The following TMIGD3 variants were observed in gnomAD, a reference collection of about 807,000 sequenced individuals.
The protein encoded by TMIGD3 is transmembrane and immunoglobulin domain containing 3, also known as AD026 protein (AD026).
TMIGD3 carries 21 observed loss-of-function variants against 28.1 expected under a neutral mutation model. The observed-to-expected ratio is 0.75, with a 90% CI of 0.53 to 1.08. The LOEUF (loss-of-function observed/expected upper bound fraction) is 1.08, where lower values mean the gene tolerates loss of function less well. TMIGD3 is among the 50% of genes least tolerant of loss of function. The pLI, the probability that TMIGD3 is intolerant of heterozygous loss-of-function variation, is 0.00. For missense variants in TMIGD3, 416 were observed against 435.6 expected (o/e 0.96, Z 0.40); for synonymous variants, 151 against 162.1 (o/e 0.93, Z 0.52).
chr1:111,527,975 T>TA (rs1656327714), intron 1 of TMIGD3, among the ~76,000 whole-genome samples: 1 of 152,216 alleles, frequency 6.6e-6, no homozygotes, highest in Non-Finnish European at 1.5e-5. Context: ...TCTCTTAACA[T>TA]TGTTTTTTTG....
intron 1 of TMIGD3, among the ~76,000 whole-genome samples, chr1:111,545,316 T>C (rs2101028969): frequency 6.6e-6 from 1 of 152,208 alleles, no homozygotes; most frequent in Middle Eastern, 3.4e-3. Context: ...AAAGCCATCC[T>C]GGTGGATGTG....
At chr1:111,527,091 A>G (rs1299291608) in intron 1 of TMIGD3, among the ~76,000 whole-genome samples, 1 of 135,234 alleles carries the variant, frequency 7.4e-6, no homozygotes, top group Non-Finnish European at 1.5e-5. Context: ...GCTTATTGCA[A>G]CCTCTGCCTC....
chr1:111,531,181 G>A (rs1033668049), intron 1 of TMIGD3, among the ~76,000 whole-genome samples: 1 of 152,100 alleles, frequency 6.6e-6, no homozygotes, highest in Admixed American at 6.5e-5. Flanking sequence ...TGGAGGCTGA[G>A]GTGGGAGGAT....
rs922117900 is a variant in TMIGD3, at chr1:111,488,975, C to T, written c.507G>A (p.Thr169=). ...EKVKRSFVLD[T]ASAICNYNAH... ...CATTGTAGTTGCAGATGGCAGAAGC[C>T]GTGTCCAGCACAAAGCTTCTCTTGA... is the stretch of plus-strand genomic sequence containing the variant. Residue 169 remains threonine, a synonymous_variant, in exon 3 of 6, where the codon ACG becomes ACA. Coordinates refer to ENST00000369716, the MANE Select transcript of TMIGD3 (RefSeq NM_020683.7). The T allele has an allele frequency of 1.1e-5, 18 of 1,613,998 alleles. No homozygotes were observed. Among genetic ancestry groups the T allele is most frequent in the African/African-American group, 2.7e-5 (2 of 74,918 alleles).
rs1557825244 is a variant in TMIGD3, at chr1:111,503,193, TAG to T, written c.160_161del (p.Leu54SerfsTer4). ...QTTTFYFIVS[L>X]ALADIAVGVL... ...CCCCAACAGCAATGTCAGCCAGGGC[TAG>T]AGAGACAATGAAATAGAAGGTGGTG... On this transcript the variant is annotated frameshift_variant, in exon 1 of 6. Transcript: ENST00000369716. LOFTEE classifies it high-confidence loss of function. 4 of 1,614,236 alleles carry T rather than the reference TAG, an allele frequency of 2.5e-6. No homozygotes were observed. The East Asian group carries it at 8.9e-5, about 36-fold the overall frequency.
chr1:111,493,103 T>A (rs6668383), intron 1 of TMIGD3, among the ~76,000 whole-genome samples: 1 of 151,974 alleles, frequency 6.6e-6, no homozygotes, highest in African/African-American at 2.4e-5. Flanking sequence ...CAGGCACAAA[T>A]GAAATAAGAT....
chr1:111,485,717 C>T (rs866871504), intron 5 of TMIGD3, 23 bp downstream of exon 5: 4 of 1,226,550 alleles, frequency 3.3e-6, no homozygotes, highest in Middle Eastern at 1.9e-4. Flanking sequence ...TGCCCACCCC[C>T]TCCCTCAACA....
chr1:111,515,597 T>C (rs1405574254), intron 1 of TMIGD3, among the ~76,000 whole-genome samples: 2 of 152,160 alleles, frequency 1.3e-5, no homozygotes, highest in Non-Finnish European at 2.9e-5. Context: ...GCGGCTGGGT[T>C]CCGCGGCAGC....
chr1:111,503,147 T>C lies in TMIGD3; in HGVS notation c.208A>G (p.Ile70Val), dbSNP rs1655337842. The change falls in exon 1 of 6, where the codon ATT (isoleucine) becomes GTT (valine). Residue 70 changes from isoleucine (I) to valine (V), a missense_variant. Ile to Val is a conservative substitution (Grantham distance 29). Transcript: ENST00000369716. ...AVGVLVMPLA[I>V]VVSLGITIHF... Reference sequence around the variant, plus strand: ...ATTGTGATGCCCAGGCTGACAACAATGGCCAAAGGCATGACCAGCACCCCA... The same window carrying C: ...ATTGTGATGCCCAGGCTGACAACAACGGCCAAAGGCATGACCAGCACCCCA... 2 of 1,614,178 alleles carry C rather than the reference T, an allele frequency of 1.2e-6. No homozygotes were observed. The highest frequency in any genetic ancestry group is 1.7e-6 in the Non-Finnish European group (2 of 1,180,030).
chr1:111,541,734 C>T (rs1326449945), intron 1 of TMIGD3, among the ~76,000 whole-genome samples: 2 of 151,968 alleles, frequency 1.3e-5, no homozygotes, highest in Non-Finnish European at 2.9e-5. Flanking sequence ...CTAAAGCAGA[C>T]CCTAAGAAAC....
At chr1:111,524,038 T>C (rs1656173482) in intron 1 of TMIGD3, among the ~76,000 whole-genome samples, 2 of 134,130 alleles carry the variant, frequency 1.5e-5, no homozygotes, top group African/African-American at 2.8e-5. Flanking sequence ...CTTTTTTTTT[T>C]TTTTTTTTTG....
intron 2 of TMIGD3, chr1:111,490,336 T>C (rs1214170720): frequency 7.6e-6 from 2 of 262,466 alleles, no homozygotes; most frequent in East Asian, 1.6e-4. Flanking sequence ...GAATGCGTAA[T>C]GAATTTGCAT....
At chr1:111,484,832 T>G (rs1049623569) in intron 5 of TMIGD3, among the ~76,000 whole-genome samples, 3 of 152,242 alleles carry the variant, frequency 2.0e-5, no homozygotes, top group Non-Finnish European at 4.4e-5. Flanking sequence ...CTTCATTGCC[T>G]AAGGTGTTCC....
intron 1 of TMIGD3, among the ~76,000 whole-genome samples, chr1:111,512,305 C>T (rs553316573): frequency 3.0e-4 from 45 of 152,374 alleles, no homozygotes; most frequent in African/African-American, 1.0e-3. Context: ...GCCACCTGTG[C>T]GTCCAGCATG....
chr1:111,538,009 TATC>T (rs1656697188), intron 1 of TMIGD3, among the ~76,000 whole-genome samples: 1 of 152,204 alleles, frequency 6.6e-6, no homozygotes, highest in Non-Finnish European at 1.5e-5. Context: ...GCATTTAGGA[TATC>T]ATACCACTTA....
rs1035528676 is a variant in TMIGD3 at position 111,483,665 on chromosome 1, A to G, written c.*22T>C. The G allele has an allele frequency of 1.3e-6, 2 of 1,587,122 alleles. No individual in the cohort carries two copies. The highest frequency in any genetic ancestry group is 2.2e-5 in the South Asian group (2 of 90,444). The stretch of plus-strand genomic sequence containing the variant: ...ATTCTGTTGTAGCATCACTTTATGA[A>G]CTAAATTAAAAAAATCTTCAGTCAC... On this transcript the variant is annotated 3_prime_UTR_variant, in exon 6 of 6. Transcript: ENST00000369716.
chr1:111,532,041 T>C (rs1171630256), intron 1 of TMIGD3, among the ~76,000 whole-genome samples: 1 of 152,154 alleles, frequency 6.6e-6, no homozygotes, highest in African/African-American at 2.4e-5. Flanking sequence ...CCCAAAACCC[T>C]ATTAATTATG....
intron 1 of TMIGD3, among the ~76,000 whole-genome samples, chr1:111,515,372 G>A (rs1306271316): frequency 1.3e-5 from 2 of 152,340 alleles, no homozygotes; most frequent in East Asian, 1.9e-4. Flanking sequence ...GGAAGTGCCA[G>A]TTCCCTACCC....
intron 1 of TMIGD3, among the ~76,000 whole-genome samples, chr1:111,563,494 TG>T (rs971827087): frequency 6.6e-6 from 1 of 152,206 alleles, no homozygotes; most frequent in African/African-American, 2.4e-5. Context: ...GAAACGAGCC[TG>T]AGTTTTATAT....
Sources: gnomAD v4.1 joint callset for allele counts (sites outside exome capture counted in the v4.1 genomes callset) on GRCh38, gnomAD v4.1.1 for gene constraint, MANE v1.5 for transcripts, NCBI Gene and HGNC (gene_info 2026-07-23, HGNC 2026-07-21) for gene names.